The following SERPINB7 variants were observed in gnomAD, a reference collection of about 807,000 sequenced individuals.
SERPINB7 encodes the protein serpin family B member 7.
A neutral mutation model predicts 37.4 loss-of-function variants in SERPINB7; 31 were observed. That is an observed-to-expected ratio of 0.83 (90% confidence interval 0.62 to 1.12). The LOEUF is 1.12. Ranked by LOEUF, SERPINB7 falls within the 50% of genes most tolerant of loss-of-function variation. The probability of loss-of-function intolerance (pLI) is 0.00; values close to 1 mark genes in which losing one functional copy is unlikely to be tolerated. For missense variants in SERPINB7, 521 were observed against 455.3 expected, an observed-to-expected ratio of 1.14 and a Z score of -1.31; for synonymous variants, 163 against 166.1, an observed-to-expected ratio of 0.98 and a Z score of 0.14.
rs139523839 is a variant in SERPINB7 at position 63,786,509 on chromosome 18, A to C, written c.168+3969A>C. Among the ~76,000 whole-genome samples the C allele has an allele frequency of 3.9e-5, 6 of 152,260 alleles. No individual in the cohort carries two copies. The East Asian group carries it at 1.2e-3, about 29-fold the overall frequency. On this transcript the variant is annotated intron_variant, in intron 2 of 7. Transcript: ENST00000398019. Reference sequence around the variant, plus strand: ...TGAGTTTTACAAAAAGCATTTAAAAATAATCACTATAATATATTACGTATT... The same window carrying C: ...TGAGTTTTACAAAAAGCATTTAAAACTAATCACTATAATATATTACGTATT...
rs34505921 is a variant in SERPINB7, at chr18:63,804,428, G to A, written c.936G>A (p.Ser312=). The A allele has an allele frequency of 4.6e-5, 74 of 1,613,484 alleles. No homozygotes were observed. Among genetic ancestry groups the A allele is most frequent in the Non-Finnish European group, 5.5e-5 (65 of 1,179,794 alleles). Reference sequence around the variant, plus strand: ...AAGCAGATCTCTCTGGGATTGCTTCGGGGGGTCGTCTGTATATATCAAGGA... The same window carrying A: ...AAGCAGATCTCTCTGGGATTGCTTCAGGGGGTCGTCTGTATATATCAAGGA... ...ESKADLSGIA[S]GGRLYISRMM... Residue 312 remains serine (S), a synonymous_variant, in exon 8 of 8, where the codon TCG becomes TCA. Coordinates refer to ENST00000398019, the MANE Select transcript of SERPINB7 (RefSeq NM_003784.4).
intron 7 of SERPINB7, among the ~76,000 whole-genome samples, chr18:63,802,566 T>C (rs1285772349): frequency 6.6e-6 from 1 of 152,248 alleles, no homozygotes; most frequent in Admixed American, 6.5e-5. Context: ...TTCTGATAGA[T>C]ACATATGTAT....
At chr18:63,770,678 T>C (rs139561703), upstream of SERPINB7, among the ~76,000 whole-genome samples, 420 of 152,210 alleles carry the variant, frequency 2.8e-3, 3 homozygotes, top group African/African-American at 9.3e-3. Flanking sequence ...TTGTAATATT[T>C]TTCCTTTATT....
At chr18:63,777,753 A>G (rs1320553708) in intron 1 of SERPINB7, 1 of 152,294 alleles carries the variant, frequency 6.6e-6, no homozygotes, top group Non-Finnish European at 1.5e-5. Flanking sequence ...GAGGCTTTAT[A>G]TTTCAGAGTA....
intron 7 of SERPINB7, among the ~76,000 whole-genome samples, chr18:63,803,391 A>C (rs2049570719): frequency 6.6e-6 from 1 of 152,200 alleles, no homozygotes; most frequent in Admixed American, 6.5e-5. Context: ...TATCAGTAAA[A>C]AGTTGTTTAG....
chr18:63,770,167 GTA>G (rs2144593763), intron 1 of SERPINB7, among the ~76,000 whole-genome samples: 1 of 150,856 alleles, frequency 6.6e-6, no homozygotes, highest in South Asian at 2.1e-4. Context: ...GCATCTGCTT[GTA>G]GTGGGGTTAT....
intron 1 of SERPINB7, among the ~76,000 whole-genome samples, chr18:63,753,359 A>G (rs2049102899): frequency 6.6e-6 from 1 of 152,214 alleles, no homozygotes; most frequent in Non-Finnish European, 1.5e-5. Context: ...TTAGAATGAC[A>G]ATTGACGGCC....
chr18:63,796,424 G>C (rs755197879), intron 5 of SERPINB7, 41 bp downstream of exon 5: 2 of 1,136,398 alleles, frequency 1.8e-6, no homozygotes, highest in East Asian at 4.8e-5. Flanking sequence ...AGATTTGTCA[G>C]TTATATGTGA....
At chr18:63,794,154 G>C (rs1275278491) in intron 4 of SERPINB7, among the ~76,000 whole-genome samples, 1 of 141,952 alleles carries the variant, frequency 7.0e-6, no homozygotes, top group Non-Finnish European at 1.5e-5. Flanking sequence ...TAGAGACGGG[G>C]ATTTGCTATG....
chr18:63,798,541 T>C (rs2049512251), intron 5 of SERPINB7, 63 bp from the exon 6 acceptor site: 1 of 1,343,332 alleles, frequency 7.4e-7, no homozygotes, highest in African/African-American at 1.5e-5. Flanking sequence ...TTAATGGTCT[T>C]TTTAAATCAT....
chr18:63,758,024 G>A (rs2049131461), intron 1 of SERPINB7, among the ~76,000 whole-genome samples: 1 of 151,980 alleles, frequency 6.6e-6, no homozygotes, highest in Admixed American at 6.6e-5. Flanking sequence ...CTATCACATT[G>A]CCACATTCTC....
intron 2 of SERPINB7, among the ~76,000 whole-genome samples, chr18:63,784,858 C>G (rs1217440627): frequency 6.6e-6 from 1 of 152,256 alleles, no homozygotes; most frequent in African/African-American, 2.4e-5. Context: ...ACACACGGCT[C>G]TTACCTACTG....
At chr18:63,782,286 TA>T in intron 1 of SERPINB7, 68 bp from the exon 2 acceptor site, 1 of 974,236 alleles carries the variant, frequency 1.0e-6, no homozygotes, top group Non-Finnish European at 1.4e-6. Context: ...AAAAAATAAA[TA>T]AATCTAAAAA....
intron 7 of SERPINB7, among the ~76,000 whole-genome samples, chr18:63,801,388 G>A (rs2049547830): frequency 6.6e-6 from 1 of 152,174 alleles, no homozygotes; most frequent in African/African-American, 2.4e-5. Flanking sequence ...ATATGATAGA[G>A]TCCTGAGCCT....
chr18:63,769,873 C>T (rs1188682713), intron 1 of SERPINB7, among the ~76,000 whole-genome samples: 1 of 151,778 alleles, frequency 6.6e-6, no homozygotes, highest in Non-Finnish European at 1.5e-5. Context: ...TCCTCAAACC[C>T]TCTACCTGGG....
chr18:63,794,110 A>ATTTTTTTTTTTTT (rs34450022), intron 4 of SERPINB7, among the ~76,000 whole-genome samples: 225 of 105,554 alleles, frequency 2.1e-3, no homozygotes, highest in East Asian at 8.7e-3. Flanking sequence ...CATCCTGCTA[A>ATTTTTTTTTTTTT]TTTTTTTTTT....
chr18:63,801,720 C>T (rs975311684), intron 7 of SERPINB7, among the ~76,000 whole-genome samples: 1 of 151,942 alleles, frequency 6.6e-6, no homozygotes, highest in Non-Finnish European at 1.5e-5. Context: ...CTGTGGGGGC[C>T]AGAGGACCGG....
At chr18:63,799,662 T>A (rs1279120628) in intron 6 of SERPINB7, among the ~76,000 whole-genome samples, 1 of 152,164 alleles carries the variant, frequency 6.6e-6, no homozygotes, top group Admixed American at 6.5e-5. Context: ...AGACATCCTG[T>A]CTATCACATC....
At chr18:63,776,689 G>A (rs1221033957) in intron 1 of SERPINB7, among the ~76,000 whole-genome samples, 2 of 150,460 alleles carry the variant, frequency 1.3e-5, no homozygotes, top group Non-Finnish European at 3.0e-5. Context: ...GAAGAAGTGG[G>A]TCCCAATGGA....
Sources: allele counts gnomAD v4.1 joint callset (sites outside exome capture counted in the v4.1 genomes callset), GRCh38; gene constraint gnomAD v4.1.1; transcripts MANE v1.5; gene names NCBI Gene and HGNC (gene_info 2026-07-23, HGNC 2026-07-21).